DLG5: variants seen among roughly 807,000 people sequenced by gnomAD.
DLG5 encodes the protein disks large homolog 5.
A neutral mutation model predicts 189.8 loss-of-function variants in DLG5; 48 were observed. That is an observed-to-expected ratio of 0.25 (90% CI 0.20 to 0.32). The LOEUF is 0.32. DLG5 is among the 10% of genes least tolerant of loss of function. The pLI is 1.00. For missense variants in DLG5, 2,160 were observed against 2,544.7 expected, an observed-to-expected ratio of 0.85 and a Z score of 3.25; for synonymous variants, 1,016 against 1,054.1, an observed-to-expected ratio of 0.96 and a Z score of 0.70.
intron 20 of DLG5, among the ~76,000 whole-genome samples, chr10:77,815,168 T>C (rs1180449233): frequency 6.6e-6 from 1 of 152,212 alleles, no homozygotes; most frequent in Non-Finnish European, 1.5e-5. Flanking sequence ...CCGTCCTCTC[T>C]GTGGCCAGGG....
intron 1 of DLG5, among the ~76,000 whole-genome samples, chr10:77,904,776 A>C (rs1846025876): frequency 6.6e-6 from 1 of 151,866 alleles, no homozygotes. Flanking sequence ...AAATAAAAAA[A>C]AAAACAAAAA....
At chr10:77,924,339 G>T (rs1313372143) in intron 1 of DLG5, among the ~76,000 whole-genome samples, 3 of 152,140 alleles carry the variant, frequency 2.0e-5, no homozygotes, top group African/African-American at 7.2e-5. Flanking sequence ...CTTCCTTAGA[G>T]GTCAAGACTA....
intron 1 of DLG5, among the ~76,000 whole-genome samples, chr10:77,923,622 G>C (rs1261233627): frequency 3.9e-5 from 6 of 152,168 alleles, no homozygotes; most frequent in Admixed American, 3.9e-4. Context: ...AGCTGGTGTG[G>C]TGGCATGTGC....
At chr10:77,872,496 A>G (rs1844939410) in intron 1 of DLG5, among the ~76,000 whole-genome samples, 2 of 152,252 alleles carry the variant, frequency 1.3e-5, no homozygotes, top group South Asian at 4.2e-4. Context: ...CCCCCAACCC[A>G]GGGAGCTGGC....
At chr10:77,839,877 T>C (rs1170909614) in intron 7 of DLG5, among the ~76,000 whole-genome samples, 2 of 152,246 alleles carry the variant, frequency 1.3e-5, no homozygotes, top group African/African-American at 4.8e-5. Flanking sequence ...GTTCCTTGTA[T>C]GAAATTCCCA....
intron 9 of DLG5, among the ~76,000 whole-genome samples, chr10:77,831,115 A>G (rs908661300): frequency 1.4e-4 from 22 of 152,234 alleles, no homozygotes; most frequent in Middle Eastern, 3.2e-3. Flanking sequence ...AATTAAAATC[A>G]AAATGCCAGC....
Position 77,812,352 on chromosome 10 carries a change from C to T in DLG5, c.4051G>A (p.Val1351Met), listed in dbSNP as rs761347862. Reference protein sequence around the residue: ...DRPYVEEPRHVKVQKGSEPLG... With the variant: ...DRPYVEEPRHMKVQKGSEPLG... ...GGCTCTGAGCCCTTCTGCACCTTCA[C>T]GTGGCGTGGCTCCTCCACATAAGGC... The change falls in exon 21 of 32, where the codon GTG becomes ATG. Residue 1351 changes from valine (V) to methionine (M), a missense_variant. Val to Met is a conservative substitution (Grantham distance 21). Coordinates refer to ENST00000372391, the MANE Select transcript of DLG5 (RefSeq NM_004747.4). 3.7e-6 allele frequency: 6 copies of T among 1,613,460 alleles called. No homozygotes were observed. The highest frequency in any genetic ancestry group is 1.7e-5 in the Admixed American group (1 of 60,014).
intron 1 of DLG5, among the ~76,000 whole-genome samples, chr10:77,884,121 G>C (rs750781652): frequency 3.7e-4 from 56 of 152,196 alleles, no homozygotes; most frequent in Admixed American, 1.4e-3. Context: ...GCAGGGGTAG[G>C]AGGAGCAAGA....
At chr10:77,816,089 G>A in intron 20 of DLG5, 1 of 465,940 alleles carries the variant, frequency 2.1e-6, no homozygotes, top group South Asian at 1.5e-5. Context: ...GAGGGAAAAA[G>A]CAAAGGGTAA....
rs772624259 is a variant in DLG5, at chr10:77,794,238, T to C, written c.5547-121A>G. On this transcript the variant is annotated intron_variant, in intron 30 of 31. Transcript: ENST00000372391. ...GGGTAGGCTGTGGAGGGAGGCCCCATGTGCTCCCCACATAAAGCACAGCAA... is the reference window on the plus strand; with the variant it reads ...GGGTAGGCTGTGGAGGGAGGCCCCACGTGCTCCCCACATAAAGCACAGCAA... 3.7e-5 allele frequency: 29 copies of C among 789,192 alleles called. 1 individual carries two copies. The highest frequency in any genetic ancestry group is 5.5e-5 in the Non-Finnish European group (26 of 469,562). The allele number at this position is 789,192 out of a possible 1,614,324, so 48.9% of individuals were successfully genotyped here.
chr10:77,837,751 C>A (rs1362703491), intron 7 of DLG5, among the ~76,000 whole-genome samples: 5 of 152,214 alleles, frequency 3.3e-5, no homozygotes, highest in African/African-American at 1.2e-4. Context: ...GGCTCCTCTA[C>A]CCCAGGCTGC....
At position 77,869,344 on chromosome 10, in the gene DLG5, C is replaced by T. The variant is rs542358013; in HGVS notation, c.305-147G>A. Reference sequence around the variant, plus strand: ...ACATCCACGGGCCAAGCAGAGGAGGCGCGCTCAGCAGATCTGGACTTCGGT... The same window carrying T: ...ACATCCACGGGCCAAGCAGAGGAGGTGCGCTCAGCAGATCTGGACTTCGGT... On this transcript the variant is annotated intron_variant, in intron 1 of 31. Transcript: ENST00000372391. 10 of 708,242 alleles carry T rather than the reference C, an allele frequency of 1.4e-5. 1 individual carries two copies. Among genetic ancestry groups the T allele is most frequent in the South Asian group, 9.8e-5 (6 of 61,182 alleles). 43.9% of individuals were successfully genotyped at this position (708,242 alleles called of 1,614,324 possible). A position where few individuals can be genotyped will look rare whatever the true frequency, so the allele number is the denominator to read the frequency against.
upstream of DLG5, chr10:77,926,943 C>T: frequency 2.6e-6 from 1 of 379,042 alleles, no homozygotes; most frequent in Non-Finnish European, 5.3e-6. This position sits in a 1 kb window ranked among gnomAD's most constrained non-coding sequence, Gnocchi z 5.2. Context: ...CAGAGCAAGA[C>T]TACAACTCCC....
chr10:77,875,563 T>C (rs1007547980), intron 1 of DLG5, among the ~76,000 whole-genome samples: 5 of 152,222 alleles, frequency 3.3e-5, no homozygotes, highest in Non-Finnish European at 5.9e-5. Flanking sequence ...CTGTGCTGCC[T>C]GCAGAGGGGA....
chr10:77,852,014 G>A (rs555766093), intron 5 of DLG5, among the ~76,000 whole-genome samples: 4 of 152,146 alleles, frequency 2.6e-5, no homozygotes, highest in Non-Finnish European at 5.9e-5. Flanking sequence ...GGAACAGGAT[G>A]GGGGACTGCA....
chr10:77,925,124 C>G (rs1029635464), intron 1 of DLG5, among the ~76,000 whole-genome samples: 1 of 152,178 alleles, frequency 6.6e-6, no homozygotes, highest in Non-Finnish European at 1.5e-5. Context: ...CACTTTGTTT[C>G]CTGGCTCTGA....
chr10:77,817,652 G>T, intron 18 of DLG5, 125 bp downstream of exon 18: 1 of 777,616 alleles, frequency 1.3e-6, no homozygotes, highest in South Asian at 1.7e-5. Flanking sequence ...AGAGAAATGA[G>T]CTCAGTCCCA....
chr10:77,858,695 C>T (rs963543324), intron 2 of DLG5, among the ~76,000 whole-genome samples: 5 of 152,118 alleles, frequency 3.3e-5, no homozygotes, highest in African/African-American at 9.7e-5. Flanking sequence ...CACCTAATGA[C>T]GTCTTGTTGA....
At chr10:77,902,670 C>T (rs1264066741) in intron 1 of DLG5, among the ~76,000 whole-genome samples, 4 of 151,942 alleles carry the variant, frequency 2.6e-5, no homozygotes, top group Non-Finnish European at 5.9e-5. Context: ...ACCATCCTGG[C>T]TAACATGGTG....
Sources: allele counts gnomAD v4.1 joint callset (sites outside exome capture counted in the v4.1 genomes callset), GRCh38; gene constraint gnomAD v4.1.1; non-coding constraint Gnocchi (gnomAD v3.1); transcripts MANE v1.5; gene names NCBI Gene and HGNC (gene_info 2026-07-23, HGNC 2026-07-21).